Variants in EPB41 observed in about 807,000 individuals in gnomAD.
EPB41 encodes the protein erythrocyte membrane protein band 4.1, also known as protein 4.1.
Under a neutral mutation model 108.0 loss-of-function variants are expected in EPB41, and 65 were observed. The ratio of observed to expected loss-of-function variants is 0.60; its 90% CI spans 0.49 to 0.74. EPB41 has a LOEUF of 0.74. EPB41 is among the 30% of genes least tolerant of loss of function. EPB41 has a pLI of 0.00. For synonymous variants in EPB41, 336 were observed against 358.9 expected (o/e 0.94, Z 0.72); for missense variants, 875 against 1,037.0 (o/e 0.84, Z 2.15).
At position 29,109,414 on chromosome 1, in the gene EPB41, A is replaced by C. The variant is rs749582857; in HGVS notation, c.2392A>C (p.Thr798Pro). 1.2e-6 allele frequency: 2 copies of C among 1,613,988 alleles called. No homozygotes were observed. Among genetic ancestry groups the C allele is most frequent in the Non-Finnish European group, 8.5e-7 (1 of 1,180,008 alleles). The change falls in exon 18 of 21, where the codon ACC (threonine) becomes CCC (proline). Residue 798 changes from threonine to proline, a missense_variant. Thr to Pro is a conservative substitution (Grantham distance 38, BLOSUM62 -1). This residue lies in a region of EPB41 where 519 missense variants were observed against 627.3 expected (regional missense o/e 0.83). Transcript: ENST00000343067. ...TATCACATCTGAGACCCCAAGCAGC[A>C]CCACCACAACTCAAATTACCAAGGT... ...QTITSETPSS[T>P]TTTQITKTVK...
intron 15 of EPB41, among the ~76,000 whole-genome samples, chr1:29,060,755 A>G (rs1465018515): frequency 1.3e-5 from 2 of 152,214 alleles, no homozygotes; most frequent in Non-Finnish European, 2.9e-5. Context: ...TGTTTTACCC[A>G]CCTTTAGAAA....
chr1:28,945,397 C>T (rs1217298881), intron 1 of EPB41, among the ~76,000 whole-genome samples: 1 of 152,030 alleles, frequency 6.6e-6, no homozygotes, highest in African/African-American at 2.4e-5. Flanking sequence ...ATGTCCTTGT[C>T]ACATAAAGGA....
chr1:29,029,345 C>T (rs2096760245), intron 7 of EPB41, among the ~76,000 whole-genome samples: 2 of 152,160 alleles, frequency 1.3e-5, no homozygotes, highest in South Asian at 4.1e-4. Flanking sequence ...AGCAAATCTG[C>T]ACCCTGTCTC....
intron 11 of EPB41, among the ~76,000 whole-genome samples, chr1:29,044,341 C>G (rs1642518146): frequency 6.6e-6 from 1 of 152,174 alleles, no homozygotes. Context: ...TATATAGATA[C>G]TATGCCTGAT....
rs920095193 is a variant in EPB41 at position 29,087,163 on chromosome 1, C to A, written c.2185-10644C>A. 1.4e-4 allele frequency among the ~76,000 whole-genome samples: 21 copies of A among 151,750 alleles called. No individual in the cohort carries two copies. The Middle Eastern group carries it at 0.01, about 74-fold the overall frequency. The stretch of plus-strand genomic sequence containing the variant: ...TTACCATGTTAGCCAGGATGGTCTC[C>A]ATCTCCTGACCTTGTGATCCGCCCG... On this transcript the variant is annotated intron_variant, in intron 16 of 20. Transcript: ENST00000343067.
At position 29,047,766 on chromosome 1, in the gene EPB41, T is replaced by TTATG. The variant is rs568654460; in HGVS notation, c.1637-5310_1637-5307dup. On this transcript the variant is annotated intron_variant, in intron 11 of 20. Transcript: ENST00000343067. ...CTTTTTTATATTGTAAATTGACAATTTATGTATGTATGTATGTATGTATGT... is the reference window on the plus strand; with the variant it reads ...CTTTTTTATATTGTAAATTGACAATTTATGTATGTATGTATGTATGTATGTATGT... Among the ~76,000 whole-genome samples the TTATG allele has an allele frequency of 2.2e-3, 339 of 151,664 alleles. 5 individuals carry two copies. Among genetic ancestry groups the TTATG allele is most frequent in the Middle Eastern group, 3.4e-3 (1 of 294 alleles).
In EPB41 at chr1:28,987,417, C is replaced by G; in HGVS notation, c.-7-14C>G. 6.2e-7 allele frequency: 1 copy of G among 1,612,730 alleles called. No homozygotes were observed. On this transcript the variant is annotated splice_polypyrimidine_tract_variant and intron_variant, in intron 1 of 20. Coordinates refer to ENST00000343067, the MANE Select transcript of EPB41 (RefSeq NM_001376013.1). ...GCTTATAAGAGCCCCCCTTTTCTATCTTCTTTTTAATAGCAACATCATGAC... is the reference window on the plus strand; with the variant it reads ...GCTTATAAGAGCCCCCCTTTTCTATGTTCTTTTTAATAGCAACATCATGAC...
intron 16 of EPB41, chr1:29,096,728 C>G (rs1663328329): frequency 2.9e-6 from 1 of 345,904 alleles, no homozygotes; most frequent in African/African-American, 2.2e-5. Context: ...TTCAAAATCA[C>G]AGACTAAAAG....
intron 4 of EPB41, among the ~76,000 whole-genome samples, chr1:28,999,990 A>G (rs192200918): frequency 1.1e-4 from 17 of 152,092 alleles, no homozygotes; most frequent in Admixed American, 1.1e-3. Flanking sequence ...GGGCCTCACT[A>G]TGTTGCTCAA....
intron 16 of EPB41, among the ~76,000 whole-genome samples, chr1:29,067,520 A>G (rs1190640511): frequency 1.1e-5 from 1 of 92,240 alleles, no homozygotes; most frequent in Non-Finnish European, 2.3e-5. Context: ...AAAAAAAAAA[A>G]GCCAGGCATG....
In EPB41 at chr1:28,955,018, G is replaced by A. The variant is rs1229042964; in HGVS notation, c.-7-32413G>A. Among the ~76,000 whole-genome samples, 3 of 152,088 alleles carry A rather than the reference G, an allele frequency of 2.0e-5. No homozygotes were observed. In the East Asian group the frequency reaches 5.8e-4, roughly 29 times the overall value. On this transcript the variant is annotated intron_variant, in intron 1 of 20. Transcript: ENST00000343067. The stretch of plus-strand genomic sequence containing the variant: ...TACATATATTTGAAAAATAGTAGCT[G>A]GAGCCATTATTCAGTCTACAAGCAG...
chr1:28,968,970 C>A (rs1405158753), intron 1 of EPB41, among the ~76,000 whole-genome samples: 4 of 116,912 alleles, frequency 3.4e-5, no homozygotes, highest in Admixed American at 1.7e-4. Context: ...GCCTCCAAAA[C>A]CCCCCACCCC....
intron 11 of EPB41, among the ~76,000 whole-genome samples, chr1:29,047,044 C>T (rs772868260): frequency 9.9e-5 from 15 of 151,932 alleles, no homozygotes; most frequent in Non-Finnish European, 1.5e-4. Flanking sequence ...TTTTTCTGTT[C>T]TCTGGAAGAG....
rs1261904478 is a variant in EPB41, at chr1:29,118,808, G to C, written c.*1996G>C. 2.0e-5 allele frequency: 3 copies of C among 152,250 alleles called. No homozygotes were observed. The highest frequency in any genetic ancestry group is 7.2e-5 in the African/African-American group (3 of 41,430). The allele number at this position is 152,250 out of a possible 1,614,324, so 9.4% of individuals were successfully genotyped here. A position where few individuals can be genotyped will look rare whatever the true frequency, so the allele number is the denominator to read the frequency against. Reference sequence around the variant, plus strand: ...AGAGGGTCTGAAAGGTGGGCTTTGGGGTAGTGCCCAAGCCTGGTCGTGTTG... The same window carrying C: ...AGAGGGTCTGAAAGGTGGGCTTTGGCGTAGTGCCCAAGCCTGGTCGTGTTG... On this transcript the variant is annotated 3_prime_UTR_variant, in exon 21 of 21. Transcript: ENST00000343067.
chr1:28,989,748 A>G (rs1449195710), intron 2 of EPB41, among the ~76,000 whole-genome samples: 1 of 152,210 alleles, frequency 6.6e-6, no homozygotes, highest in Non-Finnish European at 1.5e-5. Flanking sequence ...TTTTCACTTT[A>G]TCAGTTTCCT....
chr1:28,972,833 G>A (rs1295409136), intron 1 of EPB41, among the ~76,000 whole-genome samples: 1 of 152,040 alleles, frequency 6.6e-6, no homozygotes, highest in South Asian at 2.1e-4. Context: ...CAAACTCCTG[G>A]GCTCAAGCAA....
At chr1:29,010,326 G>A (rs1178224834) in intron 4 of EPB41, among the ~76,000 whole-genome samples, 1 of 152,072 alleles carries the variant, frequency 6.6e-6, no homozygotes, top group East Asian at 1.9e-4. Flanking sequence ...GCCACAGAGC[G>A]AGACCCTGTC....
intron 19 of EPB41, among the ~76,000 whole-genome samples, chr1:29,112,750 G>A (rs916755749): frequency 1.1e-4 from 16 of 152,206 alleles, no homozygotes; most frequent in African/African-American, 3.9e-4. Flanking sequence ...TCTGTAAGAT[G>A]AAGATGATAG....
rs1209621160 is a variant in EPB41, at chr1:29,112,369, C to A, written c.2417C>A (p.Thr806Asn). The change falls in exon 19 of 21, where the codon ACT becomes AAT. Residue 806 changes from threonine (T) to asparagine (N), a missense_variant and splice_region_variant. Coordinates refer to ENST00000343067, the MANE Select transcript of EPB41 (RefSeq NM_001376013.1). ...SSTTTTQITK[T>N]VKGGISETRI... ...ATGACATCTTCTCTTTGGTTCCAGACTGTAAAAGGTGGGATTTCAGAGACA... is the reference window on the plus strand; with the variant it reads ...ATGACATCTTCTCTTTGGTTCCAGAATGTAAAAGGTGGGATTTCAGAGACA... 6.2e-7 allele frequency: 1 copy of A among 1,612,186 alleles called. No homozygotes were observed. The highest frequency in any genetic ancestry group is 8.5e-7 in the Non-Finnish European group (1 of 1,178,788).
Sources: allele counts gnomAD v4.1 joint callset (sites outside exome capture counted in the v4.1 genomes callset), GRCh38; gene constraint gnomAD v4.1.1; regional missense constraint gnomAD v4.1.1; transcripts MANE v1.5; gene names NCBI Gene and HGNC (gene_info 2026-07-23, HGNC 2026-07-21).